OSBPL10: variants seen among roughly 807,000 people sequenced by gnomAD.
The protein encoded by OSBPL10 is oxysterol-binding protein-related protein 10.
In OSBPL10, 49 loss-of-function variants were observed where a neutral mutation model predicts 81.7. The observed-to-expected ratio is 0.60, with a 90% CI of 0.48 to 0.76. The LOEUF is 0.76. Among genes scored for constraint, OSBPL10 ranks in the 30% least tolerant of loss-of-function variants. The probability of loss-of-function intolerance (pLI) is 0.00; values close to 1 mark genes in which losing one functional copy is unlikely to be tolerated. For missense variants in OSBPL10, 923 were observed against 987.8 expected (o/e 0.93, Z 0.88); for synonymous variants, 419 against 383.6 (o/e 1.09, Z -1.08).
intron 3 of OSBPL10, among the ~76,000 whole-genome samples, chr3:31,840,478 G>A (rs530885442): frequency 3.9e-5 from 6 of 152,268 alleles, no homozygotes; most frequent in South Asian, 2.1e-4. Context: ...ATGCCCAAGC[G>A]GCGTGCAGAC....
chr3:31,760,022 A>G (rs1337251826), intron 4 of OSBPL10, among the ~76,000 whole-genome samples: 1 of 152,202 alleles, frequency 6.6e-6, no homozygotes, highest in African/African-American at 2.4e-5. Flanking sequence ...TTGACCTCGC[A>G]AAGTGCTGGG....
At chr3:31,672,362 G>T (rs1194256863) in intron 8 of OSBPL10, among the ~76,000 whole-genome samples, 2 of 39,670 alleles carry the variant, frequency 5.0e-5, no homozygotes, top group East Asian at 2.9e-3. Context: ...TTGCGGGGGC[G>T]GGGGGGGGGG....
At position 31,980,934 on chromosome 3, in the gene OSBPL10, G is replaced by C; in HGVS notation, c.246C>G (p.Ser82Arg). The C allele has an allele frequency of 6.3e-7, 1 of 1,581,148 alleles. No homozygotes were observed. Among genetic ancestry groups the C allele is most frequent in the Non-Finnish European group, 8.6e-7 (1 of 1,167,162 alleles). Residue 82 changes from serine (S) to arginine (R), a missense_variant, in exon 1 of 12, where the codon AGC becomes AGG. Ser to Arg is a moderately radical substitution (Grantham distance 110, BLOSUM62 -1). Around this residue, in one of 3 missense-constraint regions of OSBPL10, gnomAD observed 514 missense variants for 508.0 expected, o/e 1.01. Transcript: ENST00000396556. ...RREPALEGVL[S>R]KYTNLLQGWQ... ...AGCCCTGGAGGAGGTTGGTGTATTT[G>C]CTGAGCACGCCCTCGAGCGCCGGCT...
At chr3:31,787,594 CA>C (rs34814978) in intron 4 of OSBPL10, among the ~76,000 whole-genome samples, 81,978 of 125,988 alleles carry the variant, frequency 0.65, 24,788 homozygotes, top group East Asian at 0.79. Context: ...GACTCCGCCT[CA>C]AAAAAAAAAA....
chr3:31,983,730 C>T (rs1281273698), upstream of OSBPL10, among the ~76,000 whole-genome samples: 1 of 152,200 alleles, frequency 6.6e-6, no homozygotes, highest in Admixed American at 6.5e-5. Flanking sequence ...AGAAAGCTTT[C>T]CTTGACCTAC....
intron 2 of OSBPL10, among the ~76,000 whole-genome samples, chr3:32,031,470 T>A (rs6790840): frequency 0.73 from 110,712 of 151,654 alleles, 42,525 homozygotes; most frequent in East Asian, 0.91. Flanking sequence ...TAATTTTTTT[T>A]TTTTTTTTCG....
At chr3:32,068,934 C>T (rs1163132436) in intron 1 of OSBPL10, among the ~76,000 whole-genome samples, 2 of 152,028 alleles carry the variant, frequency 1.3e-5, no homozygotes, top group East Asian at 3.9e-4. Flanking sequence ...CAGGCTCCAA[C>T]TCTTGTTCAG....
intron 1 of OSBPL10, among the ~76,000 whole-genome samples, chr3:31,944,233 A>G (rs923482441): frequency 2.0e-5 from 3 of 152,148 alleles, no homozygotes; most frequent in African/African-American, 7.2e-5. Context: ...GCTGTTGATA[A>G]AGATTACCTA....
At chr3:31,908,995 G>A (rs1696497993) in intron 1 of OSBPL10, among the ~76,000 whole-genome samples, 1 of 152,230 alleles carries the variant, frequency 6.6e-6, no homozygotes, top group African/African-American at 2.4e-5. Context: ...GGTCACTGGA[G>A]AGAAGTATCA....
intron 3 of OSBPL10, among the ~76,000 whole-genome samples, chr3:31,844,742 C>T (rs113736907): frequency 0.038 from 5,834 of 152,218 alleles, 355 homozygotes; most frequent in African/African-American, 0.13. Flanking sequence ...TACAACATAA[C>T]GAATGTACTA....
chr3:31,798,934 T>C (rs987618511), intron 4 of OSBPL10, among the ~76,000 whole-genome samples: 2 of 152,190 alleles, frequency 1.3e-5, no homozygotes, highest in African/African-American at 4.8e-5. Flanking sequence ...CAGTTCATAA[T>C]AGGGTTTGAA....
intron 4 of OSBPL10, among the ~76,000 whole-genome samples, chr3:31,797,440 T>C (rs1338798843): frequency 4.6e-5 from 7 of 152,334 alleles, no homozygotes; most frequent in East Asian, 1.9e-4. Flanking sequence ...TGTTTTACAG[T>C]CACTGATTCC....
chr3:31,953,411 G>C (rs779658560), intron 1 of OSBPL10, among the ~76,000 whole-genome samples: 3 of 151,768 alleles, frequency 2.0e-5, no homozygotes, highest in African/African-American at 7.3e-5. Context: ...AAGCAGAAGT[G>C]ATTCTGTTGT....
intron 1 of OSBPL10, among the ~76,000 whole-genome samples, chr3:31,890,180 C>G (rs1695853512): frequency 6.7e-6 from 1 of 149,892 alleles, no homozygotes; most frequent in African/African-American, 2.5e-5. Context: ...ATTCATCACC[C>G]TGTTTTCCAT....
intron 4 of OSBPL10, among the ~76,000 whole-genome samples, chr3:31,790,638 A>G (rs1355125547): frequency 6.6e-6 from 1 of 152,200 alleles, no homozygotes; most frequent in Non-Finnish European, 1.5e-5. Flanking sequence ...TGAGATGCTT[A>G]TGGCGCCTTG....
chr3:31,942,626 T>C (rs1010963354), intron 1 of OSBPL10, among the ~76,000 whole-genome samples: 9 of 151,958 alleles, frequency 5.9e-5, no homozygotes, highest in Non-Finnish European at 1.3e-4. Context: ...GGCTCCATTG[T>C]CAGCATCTGA....
At chr3:31,980,149 C>T (rs1038109548) in intron 1 of OSBPL10, among the ~76,000 whole-genome samples, 1 of 151,874 alleles carries the variant, frequency 6.6e-6, no homozygotes, top group Non-Finnish European at 1.5e-5. Context: ...GAATTACAGG[C>T]GCGCCGCCAC....
At chr3:31,926,535 T>C (rs1575038405) in intron 1 of OSBPL10, among the ~76,000 whole-genome samples, 1 of 152,234 alleles carries the variant, frequency 6.6e-6, no homozygotes, top group Non-Finnish European at 1.5e-5. Flanking sequence ...TTCTGGAATA[T>C]GGAGACAGGA....
intron 1 of OSBPL10, among the ~76,000 whole-genome samples, chr3:31,885,048 G>A (rs1695695308): frequency 6.6e-6 from 1 of 152,148 alleles, no homozygotes; most frequent in Admixed American, 6.5e-5. Context: ...CCCAAAGCTG[G>A]GAGATAGGGC....
Sources: gnomAD v4.1 joint callset for allele counts (sites outside exome capture counted in the v4.1 genomes callset) on GRCh38, gnomAD v4.1.1 for gene constraint, gnomAD v4.1.1 regional missense constraint, MANE v1.5 for transcripts, NCBI Gene and HGNC (gene_info 2026-07-23, HGNC 2026-07-21) for gene names.